The following SPHKAP variants were observed in gnomAD, a reference collection of about 807,000 sequenced individuals.
SPHKAP encodes SPHK1 interactor, AKAP domain containing.
In SPHKAP, 67 loss-of-function variants were observed where a neutral mutation model predicts 137.5. The observed-to-expected ratio is 0.49, with a 90% CI of 0.40 to 0.60. The LOEUF (loss-of-function observed/expected upper bound fraction) is 0.60. Among genes scored for constraint, SPHKAP ranks in the 20% least tolerant of loss-of-function variants. SPHKAP has a pLI of 0.00. For missense variants in SPHKAP, 2,097 were observed against 2,069.3 expected (o/e 1.01, Z -0.26); for synonymous variants, 813 against 785.3 (o/e 1.04, Z -0.59).
At chr2:228,167,947 C>T (rs7584422) in intron 1 of SPHKAP, among the ~76,000 whole-genome samples, 4,652 of 152,124 alleles carry the variant, frequency 0.031, 221 homozygotes, top group African/African-American at 0.11. Context: ...AAAAGACATG[C>T]TCATACATGA....
intron 1 of SPHKAP, among the ~76,000 whole-genome samples, chr2:228,151,693 A>T (rs1699937153): frequency 6.6e-6 from 1 of 152,030 alleles, no homozygotes; most frequent in Admixed American, 6.6e-5. Context: ...TTTTGTAGTG[A>T]TGGGATCTCA....
chr2:228,025,755 T>C (rs906850778), intron 4 of SPHKAP: 9 of 750,876 alleles, frequency 1.2e-5, no homozygotes, highest in Non-Finnish European at 9.7e-6. Context: ...TTTACAAAAG[T>C]AAACATTTTA....
At chr2:228,069,683 A>C (rs1258863478) in intron 3 of SPHKAP, among the ~76,000 whole-genome samples, 1 of 152,142 alleles carries the variant, frequency 6.6e-6, no homozygotes, top group African/African-American at 2.4e-5. Context: ...AACTCTGGCT[A>C]ACACTAACAG....
rs755179227 is a variant in SPHKAP at position 228,021,846 on chromosome 2, G to T, written c.562C>A (p.Arg188=). The T allele has an allele frequency of 4.3e-6, 7 of 1,613,892 alleles. No homozygotes were observed. In the African/African-American group the frequency reaches 9.3e-5, roughly 22 times the overall value. ...FLIGLELVQE[R]QLHLETNILK... ...ATGTTTGTTTCCAGGTGGAGCTGTCGCTCCTGCACCAGTTCCAGACCAATC... is the reference window on the plus strand; with the variant it reads ...ATGTTTGTTTCCAGGTGGAGCTGTCTCTCCTGCACCAGTTCCAGACCAATC... The change falls in exon 6 of 12, where the codon CGA becomes AGA. Residue 188 remains arginine (R), a synonymous_variant. Transcript: ENST00000392056.
chr2:228,019,443 G>A lies in SPHKAP; in HGVS notation c.1411C>T (p.Pro471Ser), dbSNP rs750450631. ...AAPQPGISSW[P>S]EMEVSVETSS... ...GTTTCAACAGAGACTTCCATCTCAG[G>A]CCAGGAGGAGATGCCTGGCTGTGGG... Residue 471 changes from proline to serine, a missense_variant, in exon 7 of 12, where the codon CCT becomes TCT. Physicochemically the swap from Pro to Ser is moderately conservative, Grantham distance 74 (BLOSUM62 -1). Transcript: ENST00000392056. The A allele has an allele frequency of 6.2e-7, 1 of 1,614,170 alleles. No individual in the cohort carries two copies. Among genetic ancestry groups the A allele is most frequent in the South Asian group, 1.1e-5 (1 of 91,076 alleles).
intron 3 of SPHKAP, among the ~76,000 whole-genome samples, chr2:228,069,795 G>A (rs1293375527): frequency 1.3e-5 from 2 of 152,136 alleles, no homozygotes; most frequent in Admixed American, 1.3e-4. Context: ...TATTATAAAT[G>A]GCTGGATCAA....
chr2:228,159,697 T>C (rs530131971), intron 1 of SPHKAP, among the ~76,000 whole-genome samples: 56 of 152,282 alleles, frequency 3.7e-4, no homozygotes, highest in Non-Finnish European at 7.1e-4. Flanking sequence ...AGGAAGTATA[T>C]GTGAAGTTTG....
At chr2:227,995,285 C>T (rs1574718897) in intron 8 of SPHKAP, among the ~76,000 whole-genome samples, 3 of 152,306 alleles carry the variant, frequency 2.0e-5, no homozygotes, top group Admixed American at 2.0e-4. Context: ...GGGAACACAG[C>T]TCATTCTTAA....
intron 1 of SPHKAP, among the ~76,000 whole-genome samples, chr2:228,171,594 G>A (rs112965645): frequency 1.8e-4 from 28 of 152,212 alleles, no homozygotes; most frequent in African/African-American, 5.5e-4. Flanking sequence ...GTTCATTTGC[G>A]AGAGATCACA....
In SPHKAP at chr2:228,180,999, TGGA is replaced by T. The variant is rs1700891323; in HGVS notation, c.32+565_32+567del. Among the ~76,000 whole-genome samples the T allele has an allele frequency of 1.3e-5, 2 of 151,802 alleles. 1 individual carries two copies. The highest frequency in any genetic ancestry group is 4.2e-4 in the South Asian group (2 of 4,810). The stretch of plus-strand genomic sequence containing the variant: ...AGACTGGCAGGGGGTGTGGGGACGG[TGGA>T]GGACTGTGGGACTGCAGGGGACCTA... On this transcript the variant is annotated intron_variant, in intron 1 of 11. Transcript: ENST00000392056.
chr2:228,049,373 A>G (rs1182116256), intron 3 of SPHKAP, among the ~76,000 whole-genome samples: 1 of 152,226 alleles, frequency 6.6e-6, no homozygotes, highest in Non-Finnish European at 1.5e-5. Flanking sequence ...CACATTTTCT[A>G]AAGTGTGATT....
chr2:228,056,345 T>G (rs932438981), intron 3 of SPHKAP, among the ~76,000 whole-genome samples: 1 of 152,148 alleles, frequency 6.6e-6, no homozygotes, highest in South Asian at 2.1e-4. Flanking sequence ...GAGGAACATG[T>G]AGAGATATTG....
chr2:228,173,931 G>A (rs1199847828), intron 1 of SPHKAP, among the ~76,000 whole-genome samples: 2 of 152,152 alleles, frequency 1.3e-5, no homozygotes, highest in Non-Finnish European at 2.9e-5. Flanking sequence ...ATAAAAGGAG[G>A]CACATTGGTC....
intron 3 of SPHKAP, among the ~76,000 whole-genome samples, chr2:228,097,088 G>A (rs989930583): frequency 2.6e-5 from 4 of 152,138 alleles, no homozygotes; most frequent in Non-Finnish European, 4.4e-5. Flanking sequence ...AAGAGAAATA[G>A]AAAATTATGT....
intron 3 of SPHKAP, among the ~76,000 whole-genome samples, chr2:228,056,806 T>C (rs1444276634): frequency 1.3e-5 from 2 of 152,152 alleles, no homozygotes; most frequent in African/African-American, 4.8e-5. Context: ...GAAGGCCTCT[T>C]TTCTTTTTTG....
chr2:227,991,019 T>C lies in SPHKAP; in HGVS notation c.4940A>G (p.Gln1647Arg), dbSNP rs1693391622. 1.9e-6 allele frequency: 3 copies of C among 1,611,700 alleles called. No individual in the cohort carries two copies. Among genetic ancestry groups the C allele is most frequent in the East Asian group, 4.5e-5 (2 of 44,860 alleles). ...GIPTIYFKKS[Q>R]ENRIEKFLDV... ...TGATACCTTTTCAATTCTGTTTTCC[T>C]GAGATTTCTTAAAGTAGATGGTGGG... is the stretch of plus-strand genomic sequence containing the variant. The change falls in exon 11 of 12, where the codon CAG becomes CGG. Residue 1647 changes from glutamine to arginine, a missense_variant. Physicochemically the swap from Gln to Arg is conservative, Grantham distance 43. Coordinates refer to ENST00000392056, the MANE Select transcript of SPHKAP (RefSeq NM_001142644.2).
At position 228,056,023 on chromosome 2, in the gene SPHKAP, T is replaced by A. The variant is rs959600740; in HGVS notation, c.247-28480A>T. 7.2e-5 allele frequency among the ~76,000 whole-genome samples: 11 copies of A among 152,346 alleles called. No individual in the cohort carries two copies. In the South Asian group the frequency reaches 1.0e-3, roughly 14 times the overall value. ...CCTTGCTCCATCTTCAATGACAGGATGAAGCTTAGAAACTGTGATGCATAT... is the reference window on the plus strand; with the variant it reads ...CCTTGCTCCATCTTCAATGACAGGAAGAAGCTTAGAAACTGTGATGCATAT... On this transcript the variant is annotated intron_variant, in intron 3 of 11. Transcript: ENST00000392056.
intron 1 of SPHKAP, among the ~76,000 whole-genome samples, chr2:228,175,177 G>C (rs561112272): frequency 6.8e-6 from 1 of 147,618 alleles, no homozygotes; most frequent in Non-Finnish European, 1.5e-5. Flanking sequence ...ATTTTTTTTC[G>C]GAATTAATAA....
intron 2 of SPHKAP, among the ~76,000 whole-genome samples, chr2:228,119,330 T>C (rs1158377367): frequency 6.6e-6 from 1 of 152,202 alleles, no homozygotes; most frequent in East Asian, 1.9e-4. Flanking sequence ...AGATATTCTT[T>C]AATGTCTTGA....
Sources: gnomAD v4.1 joint callset for allele counts (sites outside exome capture counted in the v4.1 genomes callset) on GRCh38, gnomAD v4.1.1 for gene constraint, MANE v1.5 for transcripts, NCBI Gene and HGNC (gene_info 2026-07-23, HGNC 2026-07-21) for gene names.